Variants in COL24A1 observed in about 807,000 individuals in gnomAD.
The protein encoded by COL24A1 is collagen alpha-1(XXIV) chain.
In COL24A1, 224 loss-of-function variants were observed where a neutral mutation model predicts 253.9. That is an observed-to-expected ratio of 0.88 (90% confidence interval 0.79 to 0.99). The LOEUF is 0.99. Among genes scored for constraint, COL24A1 ranks in the 50% least tolerant of loss-of-function variants. The pLI, the probability that COL24A1 is intolerant of heterozygous loss-of-function variation, is 0.00. For synonymous variants in COL24A1, 685 were observed against 673.7 expected, an observed-to-expected ratio of 1.02 and a Z score of -0.26; for missense variants, 2,131 against 2,068.5, an observed-to-expected ratio of 1.03 and a Z score of -0.59.
At chr1:85,787,620 C>T (rs1199004794) in intron 47 of COL24A1, among the ~76,000 whole-genome samples, 2 of 152,066 alleles carry the variant, frequency 1.3e-5, no homozygotes, top group Non-Finnish European at 2.9e-5. Context: ...CATTGATGGG[C>T]ATTTGGGTTG....
chr1:86,003,481 G>T (rs1695632175), intron 19 of COL24A1, among the ~76,000 whole-genome samples: 1 of 152,156 alleles, frequency 6.6e-6, no homozygotes, highest in African/African-American at 2.4e-5. Flanking sequence ...ATGTGTTAGG[G>T]TGAGAAAATA....
chr1:85,901,431 G>C (rs954382037), intron 28 of COL24A1, among the ~76,000 whole-genome samples: 2 of 152,022 alleles, frequency 1.3e-5, no homozygotes, highest in African/African-American at 4.8e-5. Flanking sequence ...ACAGCAAAGG[G>C]AACTCTTATA....
rs539670485 is a variant in COL24A1 at position 86,148,284 on chromosome 1, A to G, written c.57-2101T>C. 1.1e-3 allele frequency among the ~76,000 whole-genome samples: 173 copies of G among 152,158 alleles called. 1 individual carries two copies. Among genetic ancestry groups the G allele is most frequent in the African/African-American group, 3.8e-3 (156 of 41,516 alleles). Reference sequence around the variant, plus strand: ...ACTGCAACCTCTGCTTGCCAGGTTCAAGCAATTCTCCTGTCTCAGCCTCCT... The same window carrying G: ...ACTGCAACCTCTGCTTGCCAGGTTCGAGCAATTCTCCTGTCTCAGCCTCCT... On this transcript the variant is annotated intron_variant, in intron 1 of 59. Coordinates refer to ENST00000370571, the MANE Select transcript of COL24A1 (RefSeq NM_152890.7).
rs577321064 is a variant in COL24A1, at chr1:85,851,257, T to C, written c.3301-1851A>G. On this transcript the variant is annotated intron_variant, in intron 37 of 59. Transcript: ENST00000370571. ...CTCCTGAAACTTCTTTTTAACACAT[T>C]TTTGTTTTGAAATTACTGTGTCTTT... Among the ~76,000 whole-genome samples the C allele has an allele frequency of 6.6e-5, 10 of 152,218 alleles. No individual in the cohort carries two copies. In the East Asian group the frequency reaches 1.9e-3, roughly 29 times the overall value.
intron 12 of COL24A1, among the ~76,000 whole-genome samples, chr1:86,034,327 A>G (rs909305163): frequency 2.0e-5 from 3 of 152,160 alleles, no homozygotes; most frequent in African/African-American, 7.2e-5. Flanking sequence ...ATTATTAAGC[A>G]CTTGCCATGT....
chr1:86,126,339 T>C (rs1222693469), intron 2 of COL24A1, 125 bp from the exon 3 acceptor site: 3 of 774,938 alleles, frequency 3.9e-6, no homozygotes, highest in Non-Finnish European at 6.0e-6. Flanking sequence ...AAGCATGTTC[T>C]ATCAATAACT....
At chr1:86,048,128 CTCA>C (rs139426596) in intron 11 of COL24A1, among the ~76,000 whole-genome samples, 1,963 of 152,170 alleles carry the variant, frequency 0.013, 46 homozygotes, top group African/African-American at 0.045. Context: ...CTCCCTAAAT[CTCA>C]TCAAGAAGCC....
In COL24A1 at chr1:85,784,465, C is replaced by T. The variant is rs975919471; in HGVS notation, c.4060-99G>A. On this transcript the variant is annotated intron_variant, in intron 48 of 59. Transcript: ENST00000370571. The stretch of plus-strand genomic sequence containing the variant: ...ATACAGGCCCATCCTTAGGCCCATT[C>T]CATAAATACAAGGCACTGGGGAAAT... The T allele has an allele frequency of 1.0e-5, 8 of 795,330 alleles. No homozygotes were observed. The African/African-American group carries it at 1.0e-4, about 10-fold the overall frequency. 49.3% of individuals were successfully genotyped at this position (795,330 alleles called of 1,614,324 possible).
intron 37 of COL24A1, among the ~76,000 whole-genome samples, chr1:85,858,621 C>CTTCCTTCCTTCCTTCCTTCCT (rs1553201492): frequency 8.8e-6 from 1 of 113,270 alleles, no homozygotes. Context: ...TATTTTCTCC[C>CTTCCTTCCTTCCTTCCTTCCT]TCCTTCCTTC....
At chr1:85,871,096 A>G (rs1365369627) in intron 35 of COL24A1, among the ~76,000 whole-genome samples, 2 of 152,252 alleles carry the variant, frequency 1.3e-5, no homozygotes, top group Non-Finnish European at 1.5e-5. Flanking sequence ...TAGAAAATCT[A>G]GAAGAAATTG....
At chr1:85,803,267 C>T (rs549980617) in intron 47 of COL24A1, among the ~76,000 whole-genome samples, 1 of 151,882 alleles carries the variant, frequency 6.6e-6, no homozygotes, top group African/African-American at 2.4e-5. Context: ...GAAACCCCAT[C>T]TCTACTAAAA....
chr1:85,739,252 T>A (rs1664361110), intron 57 of COL24A1, among the ~76,000 whole-genome samples: 1 of 152,194 alleles, frequency 6.6e-6, no homozygotes, highest in Non-Finnish European at 1.5e-5. Context: ...GAGCTAATAA[T>A]AAAAAATTCT....
At chr1:85,732,204 T>C (rs1663550855) in intron 59 of COL24A1, among the ~76,000 whole-genome samples, 1 of 151,956 alleles carries the variant, frequency 6.6e-6, no homozygotes, top group African/African-American at 2.4e-5. Context: ...TTTGGAGTTC[T>C]CCATGCCTGG....
At chr1:85,982,388 T>C (rs546694361) in intron 20 of COL24A1, among the ~76,000 whole-genome samples, 8 of 152,174 alleles carry the variant, frequency 5.3e-5, no homozygotes, top group African/African-American at 1.9e-4. Flanking sequence ...TGTAAACAAA[T>C]CAGTAAAACA....
At chr1:85,954,365 T>C (rs898823225) in intron 24 of COL24A1, among the ~76,000 whole-genome samples, 2 of 152,194 alleles carry the variant, frequency 1.3e-5, no homozygotes, top group Non-Finnish European at 2.9e-5. Flanking sequence ...TACTTATTCA[T>C]TAGAAAGACA....
At chr1:85,780,190 T>C (rs1425667401) in intron 52 of COL24A1, among the ~76,000 whole-genome samples, 3 of 152,174 alleles carry the variant, frequency 2.0e-5, no homozygotes, top group African/African-American at 7.2e-5. Context: ...ACTTCTTTTG[T>C]TTACATATCC....
chr1:86,136,382 G>T lies in COL24A1; in HGVS notation c.121+9737C>A, dbSNP rs139588480. 2.6e-4 allele frequency among the ~76,000 whole-genome samples: 39 copies of T among 152,102 alleles called. 1 individual carries two copies. The East Asian group carries it at 7.6e-3, about 29-fold the overall frequency. ...TCTCACTATTGACCTTATTCCATAT[G>T]GCATCTGCTTTTCTGAGCACATTTT... On this transcript the variant is annotated intron_variant, in intron 2 of 59. Coordinates refer to ENST00000370571, the MANE Select transcript of COL24A1 (RefSeq NM_152890.7).
At chr1:86,132,849 G>A (rs1219387046) in intron 2 of COL24A1, among the ~76,000 whole-genome samples, 3 of 152,016 alleles carry the variant, frequency 2.0e-5, no homozygotes, top group African/African-American at 7.2e-5. Context: ...GGCAATGCGG[G>A]CTCTTTTTTG....
At chr1:85,819,647 T>G (rs891012577) in intron 45 of COL24A1, among the ~76,000 whole-genome samples, 4 of 152,024 alleles carry the variant, frequency 2.6e-5, no homozygotes, top group African/African-American at 9.7e-5. Context: ...ACTCAAGTCA[T>G]AAAATTTATG....
Sources: allele counts gnomAD v4.1 joint callset (sites outside exome capture counted in the v4.1 genomes callset), GRCh38; gene constraint gnomAD v4.1.1; transcripts MANE v1.5; gene names NCBI Gene and HGNC (gene_info 2026-07-23, HGNC 2026-07-21).